The following RIN2 variants were observed in gnomAD, a reference collection of about 807,000 sequenced individuals.
RIN2 encodes the protein RAB5 interacting protein 2.
A neutral mutation model predicts 78.0 loss-of-function variants in RIN2; 36 were observed. The ratio of observed to expected loss-of-function variants is 0.46; its 90% CI spans 0.35 to 0.61. The LOEUF is 0.61. Ranked by LOEUF, RIN2 falls within the 20% of genes least tolerant of loss-of-function variation. The pLI, the probability that RIN2 is intolerant of heterozygous loss-of-function variation, is 0.00. For missense variants in RIN2, 1,087 were observed against 1,159.7 expected (o/e 0.94, Z 0.91); for synonymous variants, 466 against 466.8 (o/e 1.00, Z 0.02).
At chr20:19,764,539 G>A (rs553947050) in intron 1 of RIN2, among the ~76,000 whole-genome samples, 4 of 152,332 alleles carry the variant, frequency 2.6e-5, no homozygotes, top group Non-Finnish European at 5.9e-5. Flanking sequence ...CCTTGCTTAA[G>A]TGCTAAATGT....
intron 2 of RIN2, among the ~76,000 whole-genome samples, chr20:19,826,506 C>T (rs1433876776): frequency 6.6e-6 from 1 of 152,158 alleles, no homozygotes; most frequent in Non-Finnish European, 1.5e-5. Flanking sequence ...TTAGCTTCTT[C>T]TGCTATAGAT....
chr20:19,999,460 G>A (rs985492351), intron 12 of RIN2, among the ~76,000 whole-genome samples: 8 of 152,256 alleles, frequency 5.3e-5, no homozygotes, highest in East Asian at 3.9e-4. Context: ...GGAAACCCTC[G>A]TGGTGACCTT....
At chr20:19,885,497 A>G (rs8114410) in intron 2 of RIN2, among the ~76,000 whole-genome samples, 148 of 152,112 alleles carry the variant, frequency 9.7e-4, no homozygotes, top group African/African-American at 3.4e-3. Context: ...AAAACCCCAC[A>G]TCTACCAAAA....
chr20:19,807,287 T>G (rs2035439918), intron 2 of RIN2, among the ~76,000 whole-genome samples: 1 of 152,230 alleles, frequency 6.6e-6, no homozygotes, highest in Non-Finnish European at 1.5e-5. Flanking sequence ...ACTGTTGACC[T>G]TGGCTTAAGA....
At chr20:19,887,107 C>T (rs1260724728) in intron 2 of RIN2, among the ~76,000 whole-genome samples, 1 of 151,588 alleles carries the variant, frequency 6.6e-6, no homozygotes, top group Non-Finnish European at 1.5e-5. Context: ...CTCACTGCAG[C>T]CTCAATCTCC....
intron 9 of RIN2, among the ~76,000 whole-genome samples, chr20:19,988,372 A>G (rs1601060720): frequency 6.6e-6 from 1 of 152,182 alleles, no homozygotes; most frequent in Non-Finnish European, 1.5e-5. Flanking sequence ...TGCCCACCCC[A>G]GCCTCCCAAA....
intron 3 of RIN2, among the ~76,000 whole-genome samples, chr20:19,911,178 G>T (rs1162099337): frequency 1.3e-5 from 2 of 151,876 alleles, no homozygotes; most frequent in African/African-American, 4.8e-5. Flanking sequence ...AGCCTCCTGA[G>T]TAGCTGGGAT....
At chr20:19,830,150 G>A (rs1039212334) in intron 2 of RIN2, among the ~76,000 whole-genome samples, 2 of 152,198 alleles carry the variant, frequency 1.3e-5, no homozygotes, top group African/African-American at 4.8e-5. Context: ...AGAGTAGGAT[G>A]AAATTTGCAT....
At chr20:19,879,875 G>T (rs1474951854) in intron 2 of RIN2, among the ~76,000 whole-genome samples, 1 of 152,166 alleles carries the variant, frequency 6.6e-6, no homozygotes, top group Non-Finnish European at 1.5e-5. Flanking sequence ...AACTCTGTAA[G>T]AAAAATCCAA....
chr20:19,834,986 AAGAG>A (rs757182556), intron 2 of RIN2, among the ~76,000 whole-genome samples: 106 of 149,560 alleles, frequency 7.1e-4, no homozygotes, highest in Non-Finnish European at 8.4e-4. Flanking sequence ...AAAGGAAGGA[AAGAG>A]AGAAAGAGAG....
intron 1 of RIN2, among the ~76,000 whole-genome samples, chr20:19,770,302 TATTTA>T (rs1045271173): frequency 1.3e-5 from 2 of 152,238 alleles, no homozygotes; most frequent in African/African-American, 4.8e-5. Flanking sequence ...AATTAAGGAT[TATTTA>T]ATTTAACAGG....
intron 1 of RIN2, among the ~76,000 whole-genome samples, chr20:19,789,177 A>C (rs2034806921): frequency 6.6e-6 from 1 of 152,168 alleles, no homozygotes; most frequent in South Asian, 2.1e-4. Flanking sequence ...GAGGCGGGAG[A>C]AGAGTCTTTT....
At chr20:19,869,589 T>G (rs2037617926) in intron 2 of RIN2, among the ~76,000 whole-genome samples, 1 of 151,894 alleles carries the variant, frequency 6.6e-6, no homozygotes, top group African/African-American at 2.4e-5. Flanking sequence ...TAATCACTTT[T>G]ACTGCTTAGA....
intron 3 of RIN2, among the ~76,000 whole-genome samples, chr20:19,922,700 C>A (rs1241385731): frequency 6.6e-6 from 1 of 152,168 alleles, no homozygotes; most frequent in Non-Finnish European, 1.5e-5. Context: ...CCCCATGTCC[C>A]TGTGGAATGA....
chr20:19,773,793 C>T (rs1005593501), intron 1 of RIN2, among the ~76,000 whole-genome samples: 1 of 151,666 alleles, frequency 6.6e-6, no homozygotes, highest in Non-Finnish European at 1.5e-5. Flanking sequence ...ATGTGCGGTA[C>T]AATTTCAAAA....
intron 12 of RIN2, among the ~76,000 whole-genome samples, chr20:19,999,464 T>A (rs1397192987): frequency 6.6e-6 from 1 of 152,220 alleles, no homozygotes; most frequent in Non-Finnish European, 1.5e-5. Flanking sequence ...ACCCTCGTGG[T>A]GACCTTGCAG....
intron 12 of RIN2, among the ~76,000 whole-genome samples, chr20:19,997,150 G>A: frequency 6.6e-6 from 1 of 152,154 alleles, no homozygotes; most frequent in East Asian, 1.9e-4. Flanking sequence ...TGGAGATTTT[G>A]TTTCATCAGG....
intron 7 of RIN2, 124 bp downstream of exon 7, chr20:19,965,148 G>A: frequency 7.9e-6 from 6 of 755,734 alleles, no homozygotes; most frequent in Non-Finnish European, 9.1e-6. Flanking sequence ...ATTAAGACTG[G>A]TTACTTAAGT....
intron 2 of RIN2, among the ~76,000 whole-genome samples, chr20:19,869,358 C>T (rs889381889): frequency 6.6e-6 from 1 of 152,186 alleles, no homozygotes; most frequent in Non-Finnish European, 1.5e-5. Flanking sequence ...CTCACTATTC[C>T]TTCAGAGGTT....
Sources: allele counts gnomAD v4.1 joint callset (sites outside exome capture counted in the v4.1 genomes callset), GRCh38; gene constraint gnomAD v4.1.1; transcripts MANE v1.5; gene names NCBI Gene and HGNC (gene_info 2026-07-23, HGNC 2026-07-21).